The following SLC9A9 variants were observed in gnomAD, a reference collection of about 807,000 sequenced individuals.
SLC9A9 encodes sodium/hydrogen exchanger 9.
In SLC9A9, 62 loss-of-function variants were observed where a neutral mutation model predicts 77.8. The observed-to-expected ratio is 0.80, with a 90% CI of 0.65 to 0.98. SLC9A9 has a LOEUF of 0.98. SLC9A9 is among the 50% of genes least tolerant of loss of function. SLC9A9 has a pLI of 0.00. For synonymous variants in SLC9A9, 320 were observed against 283.5 expected, an observed-to-expected ratio of 1.13 and a Z score of -1.29; for missense variants, 775 against 774.9, an observed-to-expected ratio of 1.00 and a Z score of 0.00.
intron 4 of SLC9A9, among the ~76,000 whole-genome samples, chr3:143,726,006 T>C (rs984883872): frequency 2.6e-5 from 4 of 152,122 alleles, no homozygotes; most frequent in Non-Finnish European, 5.9e-5. Context: ...CCTTATGTAT[T>C]CACCTATTGT....
chr3:143,406,915 G>T (rs1483932351), intron 12 of SLC9A9, among the ~76,000 whole-genome samples: 15 of 149,586 alleles, frequency 1.0e-4, no homozygotes, highest in Admixed American at 9.4e-4. Flanking sequence ...GGCAGAGGTT[G>T]CAGCGAGCCA....
chr3:143,406,617 A>G (rs550829031), intron 12 of SLC9A9, among the ~76,000 whole-genome samples: 1 of 152,274 alleles, frequency 6.6e-6, no homozygotes, highest in Admixed American at 6.5e-5. Context: ...TATCTTAAAA[A>G]GTATGCTATT....
At chr3:143,562,522 CA>C (rs750491296) in intron 8 of SLC9A9, among the ~76,000 whole-genome samples, 6 of 151,782 alleles carry the variant, frequency 4.0e-5, no homozygotes, top group Non-Finnish European at 5.9e-5. Context: ...TTTTTGAATA[CA>C]AAACTTAATA....
intron 2 of SLC9A9, among the ~76,000 whole-genome samples, chr3:143,826,259 GA>G (rs796267230): frequency 4.7e-5 from 7 of 148,786 alleles, no homozygotes; most frequent in African/African-American, 1.8e-4. Context: ...ACTCTGTCTT[GA>G]AAAAAAAAAA....
In SLC9A9 at chr3:143,736,444, T is replaced by C. The variant is rs77972366; in HGVS notation, c.534-43137A>G. On this transcript the variant is annotated intron_variant, in intron 4 of 15. Coordinates refer to ENST00000316549, the MANE Select transcript of SLC9A9 (RefSeq NM_173653.4). ...GCAGTCACTATTTTAGGGATTTGGA[T>C]TCACAGATGAACAAGATAAAATCCT... Among the ~76,000 whole-genome samples, 366 of 152,292 alleles carry C rather than the reference T, an allele frequency of 2.4e-3. 4 individuals are homozygous for C. The highest frequency in any genetic ancestry group is 8.5e-3 in the African/African-American group (355 of 41,560).
intron 4 of SLC9A9, among the ~76,000 whole-genome samples, chr3:143,699,254 G>A (rs1031217653): frequency 6.6e-6 from 1 of 152,114 alleles, no homozygotes; most frequent in African/African-American, 2.4e-5. Context: ...TTGAGATAGA[G>A]GTAGAGCAAG....
At chr3:143,301,923 A>G (rs2030540405) in intron 14 of SLC9A9, among the ~76,000 whole-genome samples, 1 of 152,154 alleles carries the variant, frequency 6.6e-6, no homozygotes, top group African/African-American at 2.4e-5. Flanking sequence ...TTTTTATGAA[A>G]CCAGGAGGGG....
chr3:143,383,686 G>T (rs2033355288), intron 12 of SLC9A9, among the ~76,000 whole-genome samples: 1 of 152,178 alleles, frequency 6.6e-6, no homozygotes, highest in African/African-American at 2.4e-5. Context: ...GCTGGAGTGG[G>T]GCAGGGTGGG....
chr3:143,353,985 CAA>C (rs967614450), intron 14 of SLC9A9, among the ~76,000 whole-genome samples: 4 of 152,114 alleles, frequency 2.6e-5, no homozygotes, highest in South Asian at 2.1e-4. Flanking sequence ...AAAATATTAA[CAA>C]GAGAGAATTC....
At chr3:143,843,166 G>T (rs1273164427) in intron 1 of SLC9A9, among the ~76,000 whole-genome samples, 1 of 152,124 alleles carries the variant, frequency 6.6e-6, no homozygotes, top group African/African-American at 2.4e-5. Flanking sequence ...TTCAGCCAGC[G>T]GGAAGGGGGT....
intron 6 of SLC9A9, among the ~76,000 whole-genome samples, chr3:143,599,137 A>G (rs1055929663): frequency 1.3e-5 from 2 of 152,248 alleles, no homozygotes; most frequent in Non-Finnish European, 2.9e-5. Flanking sequence ...TTAGGTGAAG[A>G]AAGCCTACCG....
chr3:143,267,345 C>CTTTTTTTT (rs749407002), intron 15 of SLC9A9, among the ~76,000 whole-genome samples: 1 of 113,630 alleles, frequency 8.8e-6, no homozygotes, highest in African/African-American at 3.8e-5. Context: ...GTTATTGCTA[C>CTTTTTTTT]TTTTTTTTTT....
At chr3:143,681,232 A>G (rs909417241) in intron 5 of SLC9A9, among the ~76,000 whole-genome samples, 4 of 152,304 alleles carry the variant, frequency 2.6e-5, no homozygotes, top group African/African-American at 7.2e-5. Flanking sequence ...ATCCAGTTTC[A>G]AGTTTTCATT....
At chr3:143,824,972 T>C (rs2009262640) in intron 2 of SLC9A9, among the ~76,000 whole-genome samples, 1 of 152,206 alleles carries the variant, frequency 6.6e-6, no homozygotes, top group Non-Finnish European at 1.5e-5. Flanking sequence ...CTTGACATTC[T>C]CTGGAACCAT....
intron 9 of SLC9A9, among the ~76,000 whole-genome samples, chr3:143,546,533 G>T (rs893964154): frequency 3.3e-5 from 5 of 152,190 alleles, no homozygotes; most frequent in Non-Finnish European, 5.9e-5. Flanking sequence ...TATCTGAATT[G>T]GCTGAAAGTA....
chr3:143,329,615 T>G (rs17637467), intron 14 of SLC9A9, among the ~76,000 whole-genome samples: 22,605 of 152,222 alleles, frequency 0.15, 2,119 homozygotes, highest in Admixed American at 0.24. Flanking sequence ...GCAGCTGCAG[T>G]CCGCCCATCG....
intron 6 of SLC9A9, among the ~76,000 whole-genome samples, chr3:143,604,684 T>C (rs1190371471): frequency 1.2e-4 from 18 of 152,178 alleles, no homozygotes; most frequent in Admixed American, 1.2e-3. Flanking sequence ...AGAACACAGT[T>C]TACATGGAAG....
At chr3:143,647,345 AT>A (rs2108744216) in intron 6 of SLC9A9, among the ~76,000 whole-genome samples, 1 of 152,306 alleles carries the variant, frequency 6.6e-6, no homozygotes, top group Non-Finnish European at 1.5e-5. Flanking sequence ...ATCATTCGTC[AT>A]TTAATTTTTT....
chr3:143,591,548 G>C (rs1468621484), intron 6 of SLC9A9, among the ~76,000 whole-genome samples: 1 of 151,968 alleles, frequency 6.6e-6, no homozygotes, highest in African/African-American at 2.4e-5. Context: ...TAAGAATATG[G>C]ACTTTAACAT....
Sources: gnomAD v4.1 joint callset for allele counts (sites outside exome capture counted in the v4.1 genomes callset) on GRCh38, gnomAD v4.1.1 for gene constraint, MANE v1.5 for transcripts, NCBI Gene and HGNC (gene_info 2026-07-23, HGNC 2026-07-21) for gene names.